IL1F10: variants seen among roughly 807,000 people sequenced by gnomAD.
IL1F10 encodes the protein interleukin-1 family member 10.
A neutral mutation model predicts 13.1 loss-of-function variants in IL1F10; 13 were observed. The observed-to-expected ratio is 0.99, with a 90% CI of 0.64 to 1.57. The LOEUF is 1.57. Ranked by LOEUF, IL1F10 falls within the 40% of genes most tolerant of loss-of-function variation. The pLI is 0.00. For missense variants in IL1F10, 191 were observed against 184.1 expected (o/e 1.04, Z -0.22); for synonymous variants, 78 against 68.2 (o/e 1.14, Z -0.71).
At chr2:113,072,663 G>T in intron 1 of IL1F10, 48 bp from the exon 2 acceptor site, 1 of 1,354,020 alleles carries the variant, frequency 7.4e-7, no homozygotes, top group Admixed American at 1.8e-5. Flanking sequence ...TCTGCCTCTG[G>T]CTTCACCCAG....
intron 1 of IL1F10, 191 bp from the exon 2 acceptor site, chr2:113,072,520 T>C (rs1685855619): frequency 3.8e-6 from 2 of 531,998 alleles, no homozygotes; most frequent in South Asian, 2.4e-5. Flanking sequence ...ATAGCCTCAG[T>C]CAGGGAGAGG....
intron 2 of IL1F10, 72 bp from the exon 3 acceptor site, chr2:113,074,257 T>C (rs1685893764): frequency 1.1e-6 from 1 of 938,632 alleles, no homozygotes; most frequent in Non-Finnish European, 1.7e-6. Context: ...ATTCAGAGCA[T>C]GGAAGTGGAA....
intron 1 of IL1F10, among the ~76,000 whole-genome samples, chr2:113,071,135 A>G (rs1685827687): frequency 6.6e-6 from 1 of 152,228 alleles, no homozygotes. Flanking sequence ...CACGAGTAAC[A>G]TTTCTATGTA....
intron 1 of IL1F10, among the ~76,000 whole-genome samples, chr2:113,069,742 C>T (rs1056249690): frequency 7.2e-5 from 11 of 152,148 alleles, no homozygotes; most frequent in African/African-American, 2.4e-4. Flanking sequence ...TGAATTGCAG[C>T]TTAATATGAT....
At chr2:113,068,757 C>A (rs1309598920) in intron 1 of IL1F10, among the ~76,000 whole-genome samples, 1 of 152,060 alleles carries the variant, frequency 6.6e-6, no homozygotes, top group South Asian at 2.1e-4. Flanking sequence ...ATCTTATAAA[C>A]TTTTATAAGG....
rs371158051 is a variant in IL1F10, at chr2:113,074,794, G to A, written c.190G>A (p.Gly64Arg). 50 of 1,613,664 alleles carry A rather than the reference G, an allele frequency of 3.1e-5. No individual in the cohort carries two copies. Among genetic ancestry groups the A allele is most frequent in the Middle Eastern group, 3.5e-4 (2 of 5,750 alleles). The change falls in exon 4 of 5, where the codon GGG becomes AGG. Residue 64 changes from glycine to arginine, a missense_variant. Physicochemically the swap from Gly to Arg is moderately radical, Grantham distance 125. Transcript: ENST00000341010. Reference sequence around the variant, plus strand: ...CCCCATTTTCCTGGGGATCCAGGGAGGGAGCCGCTGCCTGGCATGTGTGGA... The same window carrying A: ...CCCCATTTTCCTGGGGATCCAGGGAAGGAGCCGCTGCCTGGCATGTGTGGA... ...KVPIFLGIQG[G>R]SRCLACVETE...
rs28928287 is a variant in IL1F10, at chr2:113,071,540, C to T, written c.-28-1171C>T. ...ACTTGTTAGTCCCTATTATCCTTCA[C>T]TCTAAGTCTCAAAGTCATACCCCAA... On this transcript the variant is annotated intron_variant, in intron 1 of 4. Coordinates refer to ENST00000341010, the MANE Select transcript of IL1F10 (RefSeq NM_173161.3). 1.8e-3 allele frequency among the ~76,000 whole-genome samples: 274 copies of T among 152,340 alleles called. 2 individuals carry two copies. Among genetic ancestry groups the T allele is most frequent in the African/African-American group, 6.2e-3 (257 of 41,576 alleles).
chr2:113,071,589 G>C (rs1432023628), intron 1 of IL1F10, among the ~76,000 whole-genome samples: 4 of 152,162 alleles, frequency 2.6e-5, no homozygotes, highest in African/African-American at 9.7e-5. Context: ...AAAATGACTT[G>C]TCCAAAGTGA....
intron 2 of IL1F10, among the ~76,000 whole-genome samples, chr2:113,073,049 A>G (rs4849151): frequency 6.6e-6 from 1 of 152,070 alleles, no homozygotes; most frequent in Non-Finnish European, 1.5e-5. Context: ...GAGGGTAAAT[A>G]ACTTCCCCCA....
intron 1 of IL1F10, chr2:113,072,486 C>G: frequency 2.0e-6 from 1 of 502,422 alleles, no homozygotes; most frequent in East Asian, 3.5e-5. Flanking sequence ...GGCTCACACC[C>G]CTGGTGGCTG....
intron 3 of IL1F10, 46 bp from the exon 4 acceptor site, chr2:113,074,677 C>G (rs760038127): frequency 7.4e-6 from 12 of 1,611,036 alleles, no homozygotes; most frequent in African/African-American, 2.7e-5. Flanking sequence ...GAGCCTGCAA[C>G]ATGGGGTTCC....
At chr2:113,074,454 T>C (rs1203376108) in intron 3 of IL1F10, 40 bp downstream of exon 3, 7 of 1,461,076 alleles carry the variant, frequency 4.8e-6, no homozygotes, top group Non-Finnish European at 6.7e-6. Flanking sequence ...CCATCTGCCA[T>C]AGGCCCTCCC....
chr2:113,068,180 G>A (rs987759740), intron 1 of IL1F10, among the ~76,000 whole-genome samples, 164 bp downstream of exon 1: 6 of 152,160 alleles, frequency 3.9e-5, no homozygotes, highest in Non-Finnish European at 8.8e-5. Context: ...AAACATTTAG[G>A]AGCACATAAA....
intron 1 of IL1F10, chr2:113,072,349 C>A (rs1185375507): frequency 1.2e-5 from 2 of 171,246 alleles, no homozygotes; most frequent in East Asian, 2.0e-4. Flanking sequence ...CTGGGCTTAT[C>A]CTCCAACTGT....
rs1685906571 is a variant in IL1F10 at position 113,074,755 on chromosome 2, GC to G, written c.154del (p.Arg52AlafsTer33). ...CTGCATACTTCCTAACAGAGGCTTGGCCCGCACCAAGGTCCCCATTTTCCTG... is the reference window on the plus strand; with the variant it reads ...CTGCATACTTCCTAACAGAGGCTTGGCCGCACCAAGGTCCCCATTTTCCTG... ...KICILPNRGL[A>X]RTKVPIFLGI... On this transcript the variant is annotated frameshift_variant, in exon 4 of 5. Transcript: ENST00000341010. LOFTEE classifies it high-confidence loss of function. 1 of 1,613,740 alleles carries G rather than the reference GC, an allele frequency of 6.2e-7. No homozygotes were observed. The highest frequency in any genetic ancestry group is 8.5e-7 in the Non-Finnish European group (1 of 1,179,772).
intron 2 of IL1F10, 33 bp downstream of exon 2, chr2:113,072,803 G>T: frequency 6.3e-7 from 1 of 1,597,018 alleles, no homozygotes; most frequent in South Asian, 1.1e-5. Flanking sequence ...TGCTTTCCAA[G>T]CCAGGGGGTC....
In IL1F10 at chr2:113,072,770, T is replaced by C. The variant is rs146878378; in HGVS notation, c.32T>C (p.Ile11Thr). 4.3e-6 allele frequency: 7 copies of C among 1,612,838 alleles called. No individual in the cohort carries two copies. The highest frequency in any genetic ancestry group is 1.3e-5 in the African/African-American group (1 of 75,028). The change falls in exon 2 of 5, where the codon ATA becomes ACA. Residue 11 changes from isoleucine to threonine, a missense_variant and splice_region_variant. Physicochemically the swap from Ile to Thr is moderately conservative, Grantham distance 89. Transcript: ENST00000341010. Reference protein sequence around the residue: MCSLPMARYYIIKYADQKALY... With the variant: MCSLPMARYYTIKYADQKALY... ...TCCCTCCCCATGGCAAGATACTACATGTAAGTTGTCCTGGCATGTCCCTGC... is the reference window on the plus strand; with the variant it reads ...TCCCTCCCCATGGCAAGATACTACACGTAAGTTGTCCTGGCATGTCCCTGC...
intron 1 of IL1F10, among the ~76,000 whole-genome samples, 187 bp downstream of exon 1, chr2:113,068,203 G>A (rs1685774893): frequency 6.6e-6 from 1 of 152,214 alleles, no homozygotes; most frequent in South Asian, 2.1e-4. Context: ...GATTTGAGGA[G>A]AAGGAATAGG....
intron 1 of IL1F10, chr2:113,072,292 G>T (rs13019891): frequency 0.35 from 54,807 of 155,838 alleles, 11,309 homozygotes; most frequent in South Asian, 0.58. Flanking sequence ...ATGGGGGCGG[G>T]GGTGTGGTGC....
Sources: gnomAD v4.1 joint callset for allele counts (sites outside exome capture counted in the v4.1 genomes callset) on GRCh38, gnomAD v4.1.1 for gene constraint, MANE v1.5 for transcripts, NCBI Gene and HGNC (gene_info 2026-07-23, HGNC 2026-07-21) for gene names.